The following TMEM132D variants were observed in gnomAD, a reference collection of about 807,000 sequenced individuals.
TMEM132D encodes mature OL transmembrane protein.
TMEM132D carries 21 observed loss-of-function variants against 62.3 expected under a neutral mutation model. The ratio of observed to expected loss-of-function variants is 0.34; its 90% confidence interval spans 0.24 to 0.49. The LOEUF is 0.49. TMEM132D is among the 20% of genes least tolerant of loss of function. The pLI is 0.99. For missense variants in TMEM132D, 1,346 were observed against 1,402.8 expected, an observed-to-expected ratio of 0.96 and a Z score of 0.65; for synonymous variants, 621 against 575.6, an observed-to-expected ratio of 1.08 and a Z score of -1.13.
intron 2 of TMEM132D, among the ~76,000 whole-genome samples, chr12:129,601,103 T>G (rs755341963): frequency 1.3e-5 from 2 of 152,346 alleles, no homozygotes; most frequent in Non-Finnish European, 2.9e-5. Flanking sequence ...TGATTTTAAC[T>G]AGATCTTCTG....
intron 2 of TMEM132D, among the ~76,000 whole-genome samples, chr12:129,648,267 T>C (rs1879836478): frequency 6.6e-6 from 1 of 152,096 alleles, no homozygotes. Context: ...TCCTGTGACC[T>C]CCACCCAGGA....
At chr12:129,244,348 T>C (rs1274795370) in intron 4 of TMEM132D, among the ~76,000 whole-genome samples, 1 of 141,138 alleles carries the variant, frequency 7.1e-6, no homozygotes, top group African/African-American at 2.6e-5. Context: ...ATCGCGCCAC[T>C]GCACTCCAGC....
intron 4 of TMEM132D, among the ~76,000 whole-genome samples, chr12:129,217,590 A>C (rs1879240761): frequency 1.3e-5 from 2 of 152,206 alleles, no homozygotes; most frequent in African/African-American, 4.8e-5. Flanking sequence ...TCACAGCCCA[A>C]CACCTCAACC....
intron 3 of TMEM132D, among the ~76,000 whole-genome samples, chr12:129,453,468 A>C (rs1873366920): frequency 6.6e-6 from 1 of 152,232 alleles, no homozygotes; most frequent in African/African-American, 2.4e-5. Flanking sequence ...CAATTTTTAT[A>C]TTATTTGGCT....
chr12:129,873,980 C>CGG (rs1344497763), intron 1 of TMEM132D, among the ~76,000 whole-genome samples: 1 of 152,178 alleles, frequency 6.6e-6, no homozygotes, highest in Non-Finnish European at 1.5e-5. Context: ...ATTCCATGAT[C>CGG]TACCACTCTT....
chr12:129,743,465 C>T lies in TMEM132D; in HGVS notation c.80-42767G>A, dbSNP rs142002792. Among the ~76,000 whole-genome samples the T allele has an allele frequency of 1.9e-4, 29 of 152,290 alleles. 2 individuals carry two copies. In the East Asian group the frequency reaches 4.1e-3, roughly 21 times the overall value. Reference sequence around the variant, plus strand: ...CTTCCCGCCACCATGTGAAGAAGAACGTGTTTGCTTCCCCTTCTGCCATGG... The same window carrying T: ...CTTCCCGCCACCATGTGAAGAAGAATGTGTTTGCTTCCCCTTCTGCCATGG... On this transcript the variant is annotated intron_variant, in intron 1 of 8. Transcript: ENST00000422113.
chr12:129,775,047 T>C (rs989898353), intron 1 of TMEM132D, among the ~76,000 whole-genome samples: 1 of 152,204 alleles, frequency 6.6e-6, no homozygotes, highest in African/African-American at 2.4e-5. Flanking sequence ...AGACATTTAT[T>C]TGAAGTATAG....
At chr12:129,097,807 A>G (rs966478872) in intron 5 of TMEM132D, among the ~76,000 whole-genome samples, 7 of 152,248 alleles carry the variant, frequency 4.6e-5, no homozygotes, top group Admixed American at 1.3e-4. Context: ...TTAACTCAAC[A>G]TAATTCTTAT....
intron 1 of TMEM132D, among the ~76,000 whole-genome samples, chr12:129,703,718 C>T (rs978395885): frequency 5.9e-5 from 9 of 152,274 alleles, no homozygotes; most frequent in African/African-American, 2.2e-4. Context: ...GTAATTCTTA[C>T]TTGAAGGAGA....
intron 1 of TMEM132D, among the ~76,000 whole-genome samples, chr12:129,792,062 C>T (rs1871416156): frequency 6.6e-6 from 1 of 152,188 alleles, no homozygotes; most frequent in Admixed American, 6.5e-5. Context: ...CTCAGGGGGC[C>T]ATTCACGTTC....
At chr12:129,606,540 C>T (rs899268019) in intron 2 of TMEM132D, among the ~76,000 whole-genome samples, 4 of 152,120 alleles carry the variant, frequency 2.6e-5, no homozygotes, top group Admixed American at 2.6e-4. Context: ...AGCAGGCAGA[C>T]AGCTGAGGAC....
At chr12:129,657,827 T>C (rs556918975) in intron 2 of TMEM132D, among the ~76,000 whole-genome samples, 2 of 152,344 alleles carry the variant, frequency 1.3e-5, no homozygotes, top group Admixed American at 6.5e-5. Context: ...TCTGAGCTTC[T>C]AGCTAAACTG....
At chr12:129,078,466 G>A (rs1414163134) in intron 8 of TMEM132D, 68 bp downstream of exon 8, 8 of 1,516,776 alleles carry the variant, frequency 5.3e-6, no homozygotes, top group South Asian at 1.2e-5. Context: ...CTGGCGTGGT[G>A]CCTGCCTGGT....
chr12:129,829,179 A>C (rs1872754925), intron 1 of TMEM132D, among the ~76,000 whole-genome samples: 2 of 152,174 alleles, frequency 1.3e-5, no homozygotes, highest in Non-Finnish European at 2.9e-5. Flanking sequence ...ATAACAAACC[A>C]GTGGCATCAA....
At chr12:129,457,016 G>C (rs7488795) in intron 3 of TMEM132D, among the ~76,000 whole-genome samples, 5 of 151,772 alleles carry the variant, frequency 3.3e-5, no homozygotes, top group Non-Finnish European at 7.4e-5. Context: ...TTCGACCATT[G>C]TGGAAGTCAG....
intron 1 of TMEM132D, among the ~76,000 whole-genome samples, chr12:129,835,665 C>T (rs1182803403): frequency 6.6e-6 from 1 of 152,186 alleles, no homozygotes; most frequent in Non-Finnish European, 1.5e-5. Flanking sequence ...TTGTAAAATG[C>T]TAAATCCTTG....
chr12:129,600,912 T>C (rs903505467), intron 2 of TMEM132D, among the ~76,000 whole-genome samples: 69 of 152,280 alleles, frequency 4.5e-4, no homozygotes, highest in Middle Eastern at 3.4e-3. Flanking sequence ...TAAATGCGTG[T>C]TGGCTTCAAC....
chr12:129,868,496 G>T (rs530167955), intron 1 of TMEM132D, among the ~76,000 whole-genome samples: 1 of 152,264 alleles, frequency 6.6e-6, no homozygotes, highest in South Asian at 2.1e-4. Flanking sequence ...GCCTCCAGCT[G>T]AACCCCCTAG....
rs11503064 is a variant in TMEM132D, at chr12:129,207,003, G to A, written c.1443+2517C>T. 0.021 allele frequency among the ~76,000 whole-genome samples: 3,129 copies of A among 152,218 alleles called. 177 individuals carry two copies. In the East Asian group the frequency reaches 0.24, roughly 12 times the overall value. ...GAGAAAAATACCTCTTGAGTACTGTGCTTATTACCTGGGTGATGAAACTAT... is the reference window on the plus strand; with the variant it reads ...GAGAAAAATACCTCTTGAGTACTGTACTTATTACCTGGGTGATGAAACTAT... On this transcript the variant is annotated intron_variant, in intron 5 of 8. Transcript: ENST00000422113.
Sources: allele counts gnomAD v4.1 joint callset (sites outside exome capture counted in the v4.1 genomes callset), GRCh38; gene constraint gnomAD v4.1.1; transcripts MANE v1.5; gene names NCBI Gene and HGNC (gene_info 2026-07-23, HGNC 2026-07-21).